The following METTL2A variants were observed in gnomAD, a reference collection of about 807,000 sequenced individuals.
METTL2A encodes the protein methyltransferase 2A, tRNA N3-cytidine.
A neutral mutation model predicts 49.4 loss-of-function variants in METTL2A; 45 were observed. That is an observed-to-expected ratio of 0.91 (90% CI 0.72 to 1.17). The LOEUF is 1.17. Among genes scored for constraint, METTL2A ranks in the 50% most tolerant of loss-of-function variants. METTL2A has a pLI of 0.00. For synonymous variants in METTL2A, 118 were observed against 167.5 expected (o/e 0.70, Z 2.28); for missense variants, 361 against 462.2 (o/e 0.78, Z 2.01).
chr17:62,440,614 C>G lies in METTL2A; in HGVS notation c.670-3C>G. On this transcript the variant is annotated splice_region_variant and splice_polypyrimidine_tract_variant and intron_variant, in intron 5 of 8. Coordinates refer to ENST00000311506, the MANE Select transcript of METTL2A (RefSeq NM_181725.4). ...CTTACCTGTGTCTTCCATCTGTCTG[C>G]AGACAAATTCAGAATATGATCCTTC... is the stretch of plus-strand genomic sequence containing the variant. The G allele has an allele frequency of 6.2e-7, 1 of 1,607,582 alleles. No individual in the cohort carries two copies. The highest frequency in any genetic ancestry group is 8.5e-7 in the Non-Finnish European group (1 of 1,178,142).
intron 2 of METTL2A, among the ~76,000 whole-genome samples, chr17:62,425,771 C>A (rs181416091): frequency 2.0e-5 from 3 of 146,918 alleles, no homozygotes; most frequent in Admixed American, 6.8e-5. Flanking sequence ...GAGGCCGAGG[C>A]GGGTGGATCA....
intron 5 of METTL2A, among the ~76,000 whole-genome samples, chr17:62,436,125 T>A (rs965062929): frequency 5.3e-5 from 8 of 152,060 alleles, no homozygotes; most frequent in African/African-American, 1.7e-4. Context: ...TACCTGTAAT[T>A]TCAGCTACTC....
In METTL2A at chr17:62,424,004, C is replaced by T; in HGVS notation, c.102C>T (p.His34=). The change falls in exon 1 of 9, where the codon CAC becomes CAT. Residue 34 remains histidine (H), a synonymous_variant. Coordinates refer to ENST00000311506, the MANE Select transcript of METTL2A (RefSeq NM_181725.4). ...GAGATCCGGCGCGCGTCTTCCACCA[C>T]AATGCCTGGTAATCACTCTGCCCCT... The part of the protein sequence containing the change: ...FLRDPARVFH[H]NAWDNVEWSE... The T allele has an allele frequency of 6.2e-7, 1 of 1,613,930 alleles. No homozygotes were observed. The highest frequency in any genetic ancestry group is 8.5e-7 in the Non-Finnish European group (1 of 1,179,964).
At chr17:62,446,042 TG>T (rs1425277945) in intron 7 of METTL2A, among the ~76,000 whole-genome samples, 1 of 152,204 alleles carries the variant, frequency 6.6e-6, no homozygotes, top group East Asian at 1.9e-4. Flanking sequence ...CATATCTAAA[TG>T]GCCAGTAAAC....
chr17:62,438,884 C>G (rs996854062), intron 5 of METTL2A, among the ~76,000 whole-genome samples: 5 of 151,728 alleles, frequency 3.3e-5, no homozygotes, highest in African/African-American at 1.2e-4. Context: ...TACAATCAAA[C>G]TCACTGTGGC....
At chr17:62,428,576 A>G (rs944291375) in intron 4 of METTL2A, among the ~76,000 whole-genome samples, 7 of 152,208 alleles carry the variant, frequency 4.6e-5, no homozygotes, top group African/African-American at 1.7e-4. Flanking sequence ...CTCCAGTTCA[A>G]TAATTTCCTA....
intron 6 of METTL2A, among the ~76,000 whole-genome samples, chr17:62,444,600 C>G (rs2070756783): frequency 6.6e-6 from 1 of 152,142 alleles, no homozygotes; most frequent in African/African-American, 2.4e-5. Flanking sequence ...AACTTTCTTA[C>G]GGCAGAAGCG....
chr17:62,439,594 C>T lies in METTL2A; in HGVS notation c.670-1023C>T, dbSNP rs190371072. Among the ~76,000 whole-genome samples the T allele has an allele frequency of 4.7e-3, 709 of 151,430 alleles. 6 individuals are homozygous for T. The highest frequency in any genetic ancestry group is 0.016 in the African/African-American group (670 of 41,296). On this transcript the variant is annotated intron_variant, in intron 5 of 8. Coordinates refer to ENST00000311506, the MANE Select transcript of METTL2A (RefSeq NM_181725.4). ...GACTACAGGCACCTGCCACCACGCC[C>T]GGCTAATTTTTTGTATTTTTAGTGG...
chr17:62,426,679 G>A (rs1292035162), intron 3 of METTL2A, 25 bp downstream of exon 3: 6 of 1,005,138 alleles, frequency 6.0e-6, no homozygotes, highest in African/African-American at 4.6e-5. Context: ...TCTTGGTAGT[G>A]GGATATGTGA....
intron 5 of METTL2A, among the ~76,000 whole-genome samples, chr17:62,438,133 G>A (rs1251310852): frequency 2.0e-5 from 3 of 151,434 alleles, no homozygotes; most frequent in Non-Finnish European, 4.4e-5. Context: ...TAGGCCGGGT[G>A]CAGTGGTTCA....
intron 5 of METTL2A, among the ~76,000 whole-genome samples, chr17:62,439,958 G>A (rs1272508533): frequency 6.6e-6 from 1 of 151,180 alleles, no homozygotes; most frequent in African/African-American, 2.4e-5. Context: ...TACTCTTTGA[G>A]TCCTCCCTGA....
At chr17:62,439,583 G>C (rs2070724450) in intron 5 of METTL2A, among the ~76,000 whole-genome samples, 1 of 151,598 alleles carries the variant, frequency 6.6e-6, no homozygotes, top group Non-Finnish European at 1.5e-5. Context: ...ACAGGCACCT[G>C]CCACCACGCC....
chr17:62,424,246 A>AGCC lies in METTL2A; in HGVS notation c.141_143dup (p.Ala50dup), dbSNP rs2070607542. 1 of 1,614,008 alleles carries AGCC rather than the reference A, an allele frequency of 6.2e-7. No homozygotes were observed. The highest frequency in any genetic ancestry group is 1.1e-5 in the South Asian group (1 of 91,082). ...ACAATGTGGAGTGGTCGGAAGAGCA[A>AGCC]GCCGCGGCGGCGGAGAGAAAAGTCC... On this transcript the variant is annotated inframe_insertion, in exon 2 of 9. Coordinates refer to ENST00000311506, the MANE Select transcript of METTL2A (RefSeq NM_181725.4).
intron 7 of METTL2A, among the ~76,000 whole-genome samples, chr17:62,446,322 T>C (rs2070768343): frequency 6.6e-6 from 1 of 152,100 alleles, no homozygotes; most frequent in Non-Finnish European, 1.5e-5. Flanking sequence ...ACAGCCTTTT[T>C]TTTTTTGAGA....
rs1408080100 is a variant in METTL2A, at chr17:62,451,909, A to C, written c.*3180A>C. ...CCGTCTCAAAAAAAAAAAAAAAAAA[A>C]ATTAGCTGGGCATGGTGGTGGGCGC... is the stretch of plus-strand genomic sequence containing the variant. On this transcript the variant is annotated 3_prime_UTR_variant, in exon 9 of 9. Coordinates refer to ENST00000311506, the MANE Select transcript of METTL2A (RefSeq NM_181725.4). Among the ~76,000 whole-genome samples the C allele has an allele frequency of 6.8e-6, 1 of 147,322 alleles. No homozygotes were observed. Among genetic ancestry groups the C allele is most frequent in the Non-Finnish European group, 1.5e-5 (1 of 67,346 alleles).
chr17:62,424,406 T>G, intron 2 of METTL2A, 96 bp downstream of exon 2: 1 of 1,544,746 alleles, frequency 6.5e-7, no homozygotes, highest in East Asian at 2.3e-5. Context: ...CCCAGATCCT[T>G]TATTCCTGGC....
chr17:62,432,692 C>T (rs1394538686), intron 4 of METTL2A, among the ~76,000 whole-genome samples: 1 of 152,158 alleles, frequency 6.6e-6, no homozygotes, highest in Non-Finnish European at 1.5e-5. Context: ...GTCCCAGCTA[C>T]TTGGGAGGCT....
intron 5 of METTL2A, among the ~76,000 whole-genome samples, chr17:62,437,444 A>G (rs1299915614): frequency 2.6e-5 from 4 of 151,950 alleles, no homozygotes; most frequent in African/African-American, 4.8e-5. Context: ...AGTATTTCCT[A>G]ATTTTGCACG....
At chr17:62,433,517 A>T (rs11870276) in intron 4 of METTL2A, among the ~76,000 whole-genome samples, 1,837 of 152,062 alleles carry the variant, frequency 0.012, 13 homozygotes, top group South Asian at 0.03. Flanking sequence ...AAGTGGGCAG[A>T]TTACTTAAGG....
Sources: gnomAD v4.1 joint callset for allele counts (sites outside exome capture counted in the v4.1 genomes callset) on GRCh38, gnomAD v4.1.1 for gene constraint, MANE v1.5 for transcripts, NCBI Gene and HGNC (gene_info 2026-07-23, HGNC 2026-07-21) for gene names.